The following GPHN variants were observed in gnomAD, a reference collection of about 807,000 sequenced individuals.
The protein encoded by GPHN is gephyrin.
GPHN carries 17 observed loss-of-function variants against 95.5 expected under a neutral mutation model. That is an observed-to-expected ratio of 0.18 (90% CI 0.12 to 0.27). The LOEUF is 0.27. Ranked by LOEUF, GPHN falls within the 10% of genes least tolerant of loss-of-function variation. GPHN has a pLI of 1.00. For synonymous variants in GPHN, 320 were observed against 322.5 expected (o/e 0.99, Z 0.08); for missense variants, 660 against 978.1 (o/e 0.67, Z 4.34).
At chr14:67,286,499 T>G in the GPHN span, among the ~76,000 whole-genome samples, 1 of 152,194 alleles carries the variant, frequency 6.6e-6, no homozygotes. Context: ...CTTAGGTGGA[T>G]TTTTGTTTAA....
the GPHN span, chr14:67,571,466 C>G: frequency 2.8e-6 from 1 of 351,902 alleles, no homozygotes; most frequent in Non-Finnish European, 5.3e-6. Context: ...TTTCTGGCCC[C>G]CTAGTGGCAA....
the GPHN span, among the ~76,000 whole-genome samples, chr14:67,302,823 A>AT: frequency 7.0e-6 from 1 of 143,168 alleles, no homozygotes; most frequent in African/African-American, 2.5e-5. Flanking sequence ...TAACTCATTA[A>AT]TTCACTCAGT....
the GPHN span, among the ~76,000 whole-genome samples, chr14:67,712,237 T>C: frequency 6.7e-6 from 1 of 149,046 alleles, no homozygotes; most frequent in South Asian, 2.1e-4. Flanking sequence ...ACCTGTCTTT[T>C]AACTGGATCT....
At chr14:67,101,239 A>T (rs1381181033) in intron 13 of GPHN, among the ~76,000 whole-genome samples, 1 of 152,104 alleles carries the variant, frequency 6.6e-6, no homozygotes, top group Non-Finnish European at 1.5e-5. Context: ...GTCTTCTCAG[A>T]CTTTTCCCCA....
intron 9 of GPHN, among the ~76,000 whole-genome samples, chr14:66,974,844 GA>G (rs2070106747): frequency 6.6e-6 from 1 of 152,124 alleles, no homozygotes; most frequent in Non-Finnish European, 1.5e-5. Context: ...GCCTGATGAT[GA>G]ATCACTTAAT....
chr14:66,931,210 G>T (rs2066772385), intron 8 of GPHN, among the ~76,000 whole-genome samples: 1 of 152,042 alleles, frequency 6.6e-6, no homozygotes, highest in Non-Finnish European at 1.5e-5. Context: ...TGAGAAATCT[G>T]CTGCCAGACA....
At chr14:66,955,505 TTC>T (rs1264420972) in intron 8 of GPHN, among the ~76,000 whole-genome samples, 2 of 152,312 alleles carry the variant, frequency 1.3e-5, no homozygotes, top group East Asian at 3.9e-4. Flanking sequence ...TTGAATCTTT[TTC>T]TCTTTTTGTC....
chr14:67,692,771 C>A, the GPHN span: 43 of 856,936 alleles, frequency 5.0e-5, no homozygotes, highest in East Asian at 1.1e-3. Context: ...CATTAAGGGT[C>A]CATTATATGT....
intron 4 of GPHN, among the ~76,000 whole-genome samples, chr14:66,828,805 T>G (rs1327484325): frequency 6.7e-6 from 1 of 149,982 alleles, no homozygotes; most frequent in Non-Finnish European, 1.5e-5. Flanking sequence ...GAGAATAGAA[T>G]ATCAAGTATA....
At chr14:66,584,104 C>G (rs1037277765) in intron 1 of GPHN, among the ~76,000 whole-genome samples, 2 of 152,100 alleles carry the variant, frequency 1.3e-5, no homozygotes, top group African/African-American at 2.4e-5. Flanking sequence ...TCCTTCACAT[C>G]CCTTGTAAGT....
intron 1 of GPHN, among the ~76,000 whole-genome samples, chr14:66,639,728 A>T (rs751460140): frequency 1.3e-5 from 2 of 152,036 alleles, no homozygotes; most frequent in Admixed American, 1.3e-4. Flanking sequence ...GTGTACCCCC[A>T]CATACACATA....
chr14:67,451,118 G>A, the GPHN span, among the ~76,000 whole-genome samples: 1 of 152,234 alleles, frequency 6.6e-6, no homozygotes, highest in Non-Finnish European at 1.5e-5. Context: ...TGTTGAGCCT[G>A]TGAGTGCACA....
intron 1 of GPHN, among the ~76,000 whole-genome samples, chr14:66,598,571 G>T (rs2062082520): frequency 6.6e-6 from 1 of 152,152 alleles, no homozygotes; most frequent in African/African-American, 2.4e-5. Context: ...AAGAGGCTGG[G>T]TGCGGTGGCT....
the GPHN span, chr14:67,279,056 G>T: frequency 4.1e-6 from 4 of 979,830 alleles, no homozygotes; most frequent in South Asian, 2.2e-5. Flanking sequence ...ATTATTATGT[G>T]ATGTGAGAAG....
chr14:67,492,741 C>T, the GPHN span, among the ~76,000 whole-genome samples: 7 of 152,198 alleles, frequency 4.6e-5, no homozygotes, highest in Non-Finnish European at 1.0e-4. Flanking sequence ...GGAACTTAGT[C>T]CAAGAAGTCC....
At chr14:67,002,181 G>A (rs2072275639) in intron 9 of GPHN, among the ~76,000 whole-genome samples, 1 of 151,320 alleles carries the variant, frequency 6.6e-6, no homozygotes, top group Non-Finnish European at 1.5e-5. Flanking sequence ...AATGCATTAA[G>A]GCTTAATTCT....
chr14:67,184,760 A>G (rs1319046351), downstream of GPHN, among the ~76,000 whole-genome samples: 5 of 152,206 alleles, frequency 3.3e-5, no homozygotes, highest in African/African-American at 7.2e-5. Context: ...ACTGGATACA[A>G]CTTTGGGAAC....
the GPHN span, among the ~76,000 whole-genome samples, chr14:67,639,438 T>A: frequency 6.6e-6 from 1 of 152,134 alleles, no homozygotes; most frequent in Admixed American, 6.5e-5. Context: ...TTCCTTAGAG[T>A]GCAATTACCA....
the GPHN span, among the ~76,000 whole-genome samples, chr14:67,720,545 G>C: frequency 6.6e-6 from 1 of 152,166 alleles, no homozygotes; most frequent in Non-Finnish European, 1.5e-5. Flanking sequence ...TGGATACCTA[G>C]GTGCCACAAT....
Sources: gnomAD v4.1 joint callset for allele counts (sites outside exome capture counted in the v4.1 genomes callset) on GRCh38, gnomAD v4.1.1 for gene constraint, MANE v1.5 for transcripts, NCBI Gene and HGNC (gene_info 2026-07-23, HGNC 2026-07-21) for gene names.